WDFY3: variants seen among roughly 807,000 people sequenced by gnomAD.
WDFY3 encodes the protein WD repeat and FYVE domain containing 3.
Under a neutral mutation model 409.6 loss-of-function variants are expected in WDFY3, and 66 were observed. The ratio of observed to expected loss-of-function variants is 0.16; its 90% CI spans 0.13 to 0.20. WDFY3 has a LOEUF of 0.20. Among genes scored for constraint, WDFY3 ranks in the 10% least tolerant of loss-of-function variants. The pLI is 1.00. For missense variants in WDFY3, 3,031 were observed against 4,298.1 expected (o/e 0.71, Z 8.24); for synonymous variants, 1,521 against 1,537.1 (o/e 0.99, Z 0.25).
chr4:84,696,847 A>G (rs1730230717), intron 56 of WDFY3, 24 bp from the exon 57 acceptor site: 2 of 1,591,464 alleles, frequency 1.3e-6, no homozygotes, highest in Non-Finnish European at 1.7e-6. Flanking sequence ...TACATTAAAA[A>G]TAAAAAAAAA....
intron 3 of WDFY3, among the ~76,000 whole-genome samples, chr4:84,883,245 A>T (rs1401698979): frequency 6.6e-6 from 1 of 152,170 alleles, no homozygotes; most frequent in Non-Finnish European, 1.5e-5. Flanking sequence ...AGCCTATTTT[A>T]AAAAATGCCT....
At chr4:84,681,988 C>A (rs891338372) in intron 64 of WDFY3, among the ~76,000 whole-genome samples, 2 of 152,236 alleles carry the variant, frequency 1.3e-5, no homozygotes, top group Non-Finnish European at 2.9e-5. Context: ...GTTGTCCACA[C>A]TGAGCCAGCC....
chr4:84,689,070 G>C (rs549560697), intron 61 of WDFY3, among the ~76,000 whole-genome samples: 1 of 152,314 alleles, frequency 6.6e-6, no homozygotes, highest in African/African-American at 2.4e-5. Context: ...TTCATCTGCC[G>C]CCTTCCACAC....
At chr4:84,891,825 G>A (rs560933543) in intron 3 of WDFY3, among the ~76,000 whole-genome samples, 17 of 152,164 alleles carry the variant, frequency 1.1e-4, no homozygotes, top group African/African-American at 3.9e-4. Flanking sequence ...AGTCTATGAT[G>A]GCTCTAGAGT....
intron 2 of WDFY3, among the ~76,000 whole-genome samples, chr4:84,917,273 A>G (rs976294650): frequency 1.3e-5 from 2 of 152,196 alleles, no homozygotes; most frequent in Non-Finnish European, 2.9e-5. Context: ...TGCCAAGACC[A>G]TTGAAAAGAA....
In WDFY3 at chr4:84,718,590, C is replaced by A; in HGVS notation, c.7606-20G>T. ...TTGGATCTATAAAGAAGCCCACAAA[C>A]ATTCATTAATATAGGCTTTTTGTAA... On this transcript the variant is annotated intron_variant, in intron 47 of 67. Transcript: ENST00000295888. 1 of 1,601,336 alleles carries A rather than the reference C, an allele frequency of 6.2e-7. No individual in the cohort carries two copies. The highest frequency in any genetic ancestry group is 8.5e-7 in the Non-Finnish European group (1 of 1,175,212).
intron 2 of WDFY3, among the ~76,000 whole-genome samples, chr4:84,909,324 T>C (rs1767463804): frequency 1.3e-5 from 2 of 152,122 alleles, no homozygotes. Context: ...CCCAGTGTTC[T>C]TGTTACAAAA....
At position 84,757,455 on chromosome 4, in the gene WDFY3, T is replaced by C. The variant is rs546498769; in HGVS notation, c.5189-294A>G. Among the ~76,000 whole-genome samples, 6 of 152,320 alleles carry C rather than the reference T, an allele frequency of 3.9e-5. No homozygotes were observed. In the South Asian group the frequency reaches 1.2e-3, roughly 32 times the overall value. On this transcript the variant is annotated intron_variant, in intron 32 of 67. Coordinates refer to ENST00000295888, the MANE Select transcript of WDFY3 (RefSeq NM_014991.6). ...CTTAAGGTGCTGTAAGTTCTACTTATTAAATGAAAGACCTCAGAAGAGCTC... is the reference window on the plus strand; with the variant it reads ...CTTAAGGTGCTGTAAGTTCTACTTACTAAATGAAAGACCTCAGAAGAGCTC...
intron 2 of WDFY3, among the ~76,000 whole-genome samples, chr4:84,914,172 A>T (rs1051340409): frequency 1.3e-5 from 2 of 152,172 alleles, no homozygotes; most frequent in Non-Finnish European, 2.9e-5. Context: ...CTGTAATCCC[A>T]GCACTTTGGG....
rs1400260713 is a variant in WDFY3 at position 84,688,148 on chromosome 4, A to G, written c.9481T>C (p.Phe3161Leu). 6.2e-7 allele frequency: 1 copy of G among 1,614,048 alleles called. No individual in the cohort carries two copies. The highest frequency in any genetic ancestry group is 2.2e-5 in the East Asian group (1 of 44,892). Residue 3161 changes from phenylalanine to leucine, a missense_variant, in exon 62 of 68, where the codon TTT becomes CTT. By Grantham distance (22) the Phe-to-Leu change is conservative. This residue lies in a region of WDFY3 where 378 missense variants were observed against 477.3 expected (regional missense o/e 0.79). Coordinates refer to ENST00000295888, the MANE Select transcript of WDFY3 (RefSeq NM_014991.6). ...CGATGCCCTCGAAGCTGGGTTAGAA[A>G]TGACAGTTTGTTCAAATCCCAAATG... ...CIIWDLNKLS[F>L]LTQLRGHRAP...
At chr4:84,702,264 G>T in intron 56 of WDFY3, 89 bp downstream of exon 56, 1 of 1,380,082 alleles carries the variant, frequency 7.2e-7, no homozygotes, top group East Asian at 2.4e-5. Context: ...TTGTTAATGT[G>T]TGCTGCAGAC....
At chr4:84,739,191 C>T in intron 39 of WDFY3, 72 bp from the exon 40 acceptor site, 2 of 1,441,844 alleles carry the variant, frequency 1.4e-6, no homozygotes, top group African/African-American at 1.4e-5. Flanking sequence ...CTAAGAATTA[C>T]TCTATTTCCA....
intron 32 of WDFY3, among the ~76,000 whole-genome samples, chr4:84,764,221 C>A (rs919564432): frequency 1.3e-5 from 2 of 152,132 alleles, no homozygotes; most frequent in African/African-American, 4.8e-5. Flanking sequence ...GCATTTAAAC[C>A]TTGCATATTC....
intron 62 of WDFY3, among the ~76,000 whole-genome samples, chr4:84,684,743 G>C (rs976797432): frequency 6.6e-6 from 1 of 152,196 alleles, no homozygotes; most frequent in African/African-American, 2.4e-5. Flanking sequence ...TAAAAACCAA[G>C]ACTCCCTGAG....
chr4:84,958,046 T>TGAAA (rs1429670666), intron 1 of WDFY3, among the ~76,000 whole-genome samples: 1 of 152,234 alleles, frequency 6.6e-6, no homozygotes, highest in Non-Finnish European at 1.5e-5. Context: ...TTATTTATGG[T>TGAAA]GAAAGAATGC....
chr4:84,910,333 T>A (rs1370763964), intron 2 of WDFY3, among the ~76,000 whole-genome samples: 2 of 152,058 alleles, frequency 1.3e-5, no homozygotes, highest in Non-Finnish European at 2.9e-5. Flanking sequence ...AAGGGATGAT[T>A]GTATATTAGA....
intron 45 of WDFY3, among the ~76,000 whole-genome samples, chr4:84,725,957 G>C (rs1052745968): frequency 5.3e-5 from 8 of 152,094 alleles, no homozygotes; most frequent in African/African-American, 1.7e-4. Context: ...ACAGCAAATG[G>C]AGACTGAAAA....
chr4:84,873,414 A>G (rs1762379363), intron 3 of WDFY3, among the ~76,000 whole-genome samples: 1 of 152,262 alleles, frequency 6.6e-6, no homozygotes, highest in African/African-American at 2.4e-5. Flanking sequence ...AGACTGGTCA[A>G]GAGAAACTGA....
intron 67 of WDFY3, 90 bp from the exon 68 acceptor site, chr4:84,673,081 C>T (rs1725685340): frequency 6.4e-7 from 1 of 1,551,626 alleles, no homozygotes; most frequent in Non-Finnish European, 8.7e-7. Flanking sequence ...GGAAAGCTTG[C>T]AGTAAAATGC....
Sources: gnomAD v4.1 joint callset for allele counts (sites outside exome capture counted in the v4.1 genomes callset) on GRCh38, gnomAD v4.1.1 for gene constraint, gnomAD v4.1.1 regional missense constraint, MANE v1.5 for transcripts, NCBI Gene and HGNC (gene_info 2026-07-23, HGNC 2026-07-21) for gene names.